The following NRG1 variants were observed in gnomAD, a reference collection of about 807,000 sequenced individuals.
NRG1 encodes the protein pro-neuregulin-1, membrane-bound isoform.
A neutral mutation model predicts 63.8 loss-of-function variants in NRG1; 18 were observed. The ratio of observed to expected loss-of-function variants is 0.28; its 90% CI spans 0.19 to 0.42. The LOEUF (loss-of-function observed/expected upper bound fraction) is 0.42. NRG1 is among the 10% of genes least tolerant of loss of function. The probability of loss-of-function intolerance (pLI) is 1.00; values close to 1 mark genes in which losing one functional copy is unlikely to be tolerated. For missense variants in NRG1, 762 were observed against 814.7 expected, an observed-to-expected ratio of 0.94 and a Z score of 0.79; for synonymous variants, 302 against 301.3, an observed-to-expected ratio of 1.00 and a Z score of -0.02.
At chr8:32,212,634 A>G (rs1046902627) in intron 1 of NRG1, among the ~76,000 whole-genome samples, 1 of 152,156 alleles carries the variant, frequency 6.6e-6, no homozygotes, top group East Asian at 1.9e-4. Context: ...TATGGACTAG[A>G]TTATGAATTT....
chr8:31,840,349 CT>C (rs71992716), intron 1 of NRG1, among the ~76,000 whole-genome samples: 1,776 of 116,834 alleles, frequency 0.015, 27 homozygotes, highest in African/African-American at 0.042. Context: ...TATTCTCTGT[CT>C]TTTTTTTTTT....
chr8:31,649,011 T>A (rs1247081563), intron 1 of NRG1, among the ~76,000 whole-genome samples: 1 of 151,180 alleles, frequency 6.6e-6, no homozygotes, highest in Non-Finnish European at 1.5e-5. Flanking sequence ...CAGGCTGGAG[T>A]GCAGTGGCAC....
intron 5 of NRG1, among the ~76,000 whole-genome samples, chr8:32,683,959 C>A (rs1275565995): frequency 6.6e-6 from 1 of 151,504 alleles, no homozygotes; most frequent in Non-Finnish European, 1.5e-5. Context: ...CTCTGGGAGG[C>A]TGAGATGGGT....
At chr8:32,587,278 G>A (rs943046662) in intron 1 of NRG1, among the ~76,000 whole-genome samples, 1 of 152,038 alleles carries the variant, frequency 6.6e-6, no homozygotes, top group Admixed American at 6.6e-5. Context: ...AGAACCGTCT[G>A]ACCACTCTGG....
At chr8:32,764,616 T>A in exon 12 of NRG1, 1 of 431,420 alleles carries the variant, frequency 2.3e-6, no homozygotes, top group Non-Finnish European at 4.0e-6. Context: ...ATATCAATGG[T>A]GCCTTTATGT....
At chr8:31,779,633 G>T (rs1168514271) in intron 1 of NRG1, among the ~76,000 whole-genome samples, 3 of 152,128 alleles carry the variant, frequency 2.0e-5, no homozygotes, top group Non-Finnish European at 4.4e-5. Context: ...ATTGGATTTG[G>T]AGGATCAAGT....
At chr8:31,804,561 C>T (rs1250408270) in intron 1 of NRG1, among the ~76,000 whole-genome samples, 1 of 152,160 alleles carries the variant, frequency 6.6e-6, no homozygotes, top group South Asian at 2.1e-4. Context: ...TTATATATCT[C>T]TCTAGAAAAA....
chr8:32,406,010 G>A (rs183016850), intron 1 of NRG1, among the ~76,000 whole-genome samples: 4 of 152,202 alleles, frequency 2.6e-5, no homozygotes, highest in South Asian at 2.1e-4. Flanking sequence ...TAGCTCTTCC[G>A]CAGCCAGGGC....
chr8:31,755,188 G>C lies in NRG1; in HGVS notation c.37+115757G>C, dbSNP rs117768251. ...TCCTCCAGAGGCTGCACAGGGAAGAGTGACCTGTGTGGCCTTATCTGTACC... is the reference window on the plus strand; with the variant it reads ...TCCTCCAGAGGCTGCACAGGGAAGACTGACCTGTGTGGCCTTATCTGTACC... On this transcript the variant is annotated intron_variant, in intron 1 of 10. Transcript: ENST00000519301. 3.8e-3 allele frequency among the ~76,000 whole-genome samples: 584 copies of C among 152,220 alleles called. 1 individual carries two copies. Among genetic ancestry groups the C allele is most frequent in the Middle Eastern group, 0.02 (6 of 294 alleles).
At chr8:31,742,257 G>A (rs1815351622) in intron 1 of NRG1, among the ~76,000 whole-genome samples, 1 of 151,280 alleles carries the variant, frequency 6.6e-6, no homozygotes, top group Admixed American at 6.6e-5. Flanking sequence ...GGGAAGGAGG[G>A]GGCTATGATT....
At chr8:32,033,297 A>G (rs1334932239) in intron 1 of NRG1, among the ~76,000 whole-genome samples, 1 of 151,808 alleles carries the variant, frequency 6.6e-6, no homozygotes, top group African/African-American at 2.4e-5. Flanking sequence ...ATTCTGTTCC[A>G]TTGGTCTATG....
intron 1 of NRG1, among the ~76,000 whole-genome samples, chr8:31,830,991 G>T (rs1022490351): frequency 6.6e-6 from 1 of 152,044 alleles, no homozygotes; most frequent in Non-Finnish European, 1.5e-5. Flanking sequence ...CAACTTGGGT[G>T]TCATTACCAA....
At chr8:31,897,956 G>A (rs890157643) in intron 1 of NRG1, among the ~76,000 whole-genome samples, 2 of 147,316 alleles carry the variant, frequency 1.4e-5, no homozygotes, top group African/African-American at 5.0e-5. Flanking sequence ...GACAGAGGTT[G>A]CAATGAGCCG....
chr8:31,951,265 T>C (rs559350381), intron 1 of NRG1, among the ~76,000 whole-genome samples: 3 of 152,308 alleles, frequency 2.0e-5, no homozygotes, highest in African/African-American at 7.2e-5. Context: ...CTCATTCTCT[T>C]CCCTTTAGAG....
rs542919600 is a variant in NRG1, at chr8:31,977,218, T to A, written c.37+337787T>A. Among the ~76,000 whole-genome samples, 16 of 152,308 alleles carry A rather than the reference T, an allele frequency of 1.1e-4. No individual in the cohort carries two copies. In the East Asian group the frequency reaches 2.9e-3, roughly 28 times the overall value. ...TATAAATCAACATATACTTCTTTAC[T>A]TGGACATTACCATTTTAACTTCAAA... On this transcript the variant is annotated intron_variant, in intron 1 of 10. Coordinates refer to the NRG1 transcript ENST00000519301.
rs958601383 is a variant in NRG1, at chr8:31,787,351, A to T, written c.37+147920A>T. Among the ~76,000 whole-genome samples the T allele has an allele frequency of 2.0e-5, 3 of 152,180 alleles. No individual in the cohort carries two copies. The South Asian group carries it at 6.2e-4, about 32-fold the overall frequency. On this transcript the variant is annotated intron_variant, in intron 1 of 10. Transcript: ENST00000519301. ...AGGCATTAGATTTTCTGTTGCAGTGATAGCAGGGATTTAAATAATGATTAT... is the reference window on the plus strand; with the variant it reads ...AGGCATTAGATTTTCTGTTGCAGTGTTAGCAGGGATTTAAATAATGATTAT...
intron 1 of NRG1, among the ~76,000 whole-genome samples, chr8:32,277,688 A>G (rs904098785): frequency 8.5e-5 from 13 of 152,112 alleles, no homozygotes; most frequent in Admixed American, 6.6e-5. Context: ...ATTTTTAACT[A>G]TCGGGAGTTG....
At chr8:31,920,059 T>G (rs556519841) in intron 1 of NRG1, among the ~76,000 whole-genome samples, 1 of 152,156 alleles carries the variant, frequency 6.6e-6, no homozygotes, top group Non-Finnish European at 1.5e-5. Flanking sequence ...TAGTTATTAT[T>G]CCCTTGAGTA....
At chr8:32,701,857 A>G (rs1271574009) in intron 5 of NRG1, among the ~76,000 whole-genome samples, 2 of 152,240 alleles carry the variant, frequency 1.3e-5, no homozygotes, top group African/African-American at 4.8e-5. Context: ...ACCCCCTTAA[A>G]CTGAAACTTT....
Sources: allele counts gnomAD v4.1 joint callset (sites outside exome capture counted in the v4.1 genomes callset), GRCh38; gene constraint gnomAD v4.1.1; transcripts MANE v1.5; gene names NCBI Gene and HGNC (gene_info 2026-07-23, HGNC 2026-07-21).